CNTNAP2: variants seen among roughly 807,000 people sequenced by gnomAD.
CNTNAP2 encodes the protein contactin associated protein 2.
CNTNAP2 carries 98 observed loss-of-function variants against 155.2 expected under a neutral mutation model. The observed-to-expected ratio is 0.63, with a 90% CI of 0.54 to 0.75. The LOEUF is 0.75. Ranked by LOEUF, CNTNAP2 falls within the 30% of genes least tolerant of loss-of-function variation. The pLI is 0.00. For synonymous variants in CNTNAP2, 651 were observed against 631.2 expected, an observed-to-expected ratio of 1.03 and a Z score of -0.47; for missense variants, 1,727 against 1,688.1, an observed-to-expected ratio of 1.02 and a Z score of -0.40.
chr7:148,258,483 T>A (rs545844498), intron 20 of CNTNAP2, among the ~76,000 whole-genome samples: 1 of 152,298 alleles, frequency 6.6e-6, no homozygotes, highest in Admixed American at 6.5e-5. Flanking sequence ...GTTCGTATTT[T>A]CAATTGCAAA....
intron 9 of CNTNAP2, among the ~76,000 whole-genome samples, chr7:147,316,679 G>C (rs2620451): frequency 0.49 from 74,650 of 151,816 alleles, 19,511 homozygotes; most frequent in East Asian, 0.73. Flanking sequence ...TAATGGTAAC[G>C]GATCCCATTG....
At chr7:147,271,548 T>C (rs1804753860) in intron 8 of CNTNAP2, among the ~76,000 whole-genome samples, 1 of 152,164 alleles carries the variant, frequency 6.6e-6, no homozygotes, top group African/African-American at 2.4e-5. Context: ...CTGGGTAATT[T>C]ATAAAGAAAA....
intron 1 of CNTNAP2, among the ~76,000 whole-genome samples, chr7:146,152,182 C>A (rs1798062615): frequency 6.6e-6 from 1 of 151,832 alleles, no homozygotes; most frequent in Admixed American, 6.6e-5. Flanking sequence ...ACAATTTGAA[C>A]ATTAAAAATA....
rs2116923825 is a variant in CNTNAP2 at position 147,639,099 on chromosome 7, C to T, written c.1898-7C>T. 1.9e-6 allele frequency: 3 copies of T among 1,613,918 alleles called. No homozygotes were observed. Among genetic ancestry groups the T allele is most frequent in the Non-Finnish European group, 1.7e-6 (2 of 1,179,928 alleles). ...ATCCAGGGTCCTGGTTGTTTTTCTC[C>T]CCACAGAGGACAAAGTGTGGACCAT... is the stretch of plus-strand genomic sequence containing the variant. On this transcript the variant is annotated splice_region_variant and splice_polypyrimidine_tract_variant and intron_variant, in intron 12 of 23. Coordinates refer to ENST00000361727, the MANE Select transcript of CNTNAP2 (RefSeq NM_014141.6).
At chr7:146,463,910 T>C (rs999132458) in intron 1 of CNTNAP2, among the ~76,000 whole-genome samples, 1 of 152,160 alleles carries the variant, frequency 6.6e-6, no homozygotes, top group African/African-American at 2.4e-5. Context: ...ATCCTTTGTT[T>C]GGTGTGGATC....
At chr7:147,290,919 T>C (rs535371009) in intron 8 of CNTNAP2, among the ~76,000 whole-genome samples, 56 of 152,278 alleles carry the variant, frequency 3.7e-4, no homozygotes, top group African/African-American at 1.3e-3. Context: ...TCACAAATGT[T>C]GAATCTGCAA....
At chr7:146,990,000 T>G (rs1014563406) in intron 3 of CNTNAP2, among the ~76,000 whole-genome samples, 1 of 152,014 alleles carries the variant, frequency 6.6e-6, no homozygotes, top group Non-Finnish European at 1.5e-5. Context: ...AGTTATCTGG[T>G]CATATTTACA....
chr7:147,475,699 G>C (rs956488126), intron 10 of CNTNAP2, among the ~76,000 whole-genome samples: 1 of 151,748 alleles, frequency 6.6e-6, no homozygotes, highest in African/African-American at 2.4e-5. Flanking sequence ...CATTAGAAAG[G>C]CCCTCTATAT....
At chr7:146,641,142 C>T (rs1250029438) in intron 1 of CNTNAP2, among the ~76,000 whole-genome samples, 2 of 152,046 alleles carry the variant, frequency 1.3e-5, no homozygotes, top group Non-Finnish European at 2.9e-5. Context: ...CTGGCTAACA[C>T]TGTGAAACCC....
intron 12 of CNTNAP2, among the ~76,000 whole-genome samples, chr7:147,628,259 A>T (rs1221155262): frequency 6.6e-6 from 1 of 152,188 alleles, no homozygotes; most frequent in Non-Finnish European, 1.5e-5. Flanking sequence ...ATAAAGGAAA[A>T]CCTATCAGAT....
intron 3 of CNTNAP2, among the ~76,000 whole-genome samples, chr7:146,927,763 A>ATG (rs534877116): frequency 2.9e-4 from 44 of 151,534 alleles, no homozygotes; most frequent in African/African-American, 9.7e-4. Context: ...TTCACTTTAA[A>ATG]TGTGTGTGTG....
intron 1 of CNTNAP2, among the ~76,000 whole-genome samples, chr7:146,602,320 C>T (rs1449517135): frequency 6.6e-6 from 1 of 152,104 alleles, no homozygotes; most frequent in Non-Finnish European, 1.5e-5. Flanking sequence ...CATGTCAAGA[C>T]CTCAAGGGAA....
intron 3 of CNTNAP2, among the ~76,000 whole-genome samples, chr7:146,930,107 C>T (rs897219371): frequency 2.0e-5 from 3 of 151,874 alleles, no homozygotes; most frequent in Admixed American, 6.6e-5. Flanking sequence ...AGATACTCCT[C>T]GAGAAGAGCA....
chr7:147,858,318 C>G (rs1254406681), intron 13 of CNTNAP2, among the ~76,000 whole-genome samples: 1 of 152,150 alleles, frequency 6.6e-6, no homozygotes, highest in Non-Finnish European at 1.5e-5. Context: ...AATTCCTGAC[C>G]TCAGGTGATC....
chr7:146,455,437 T>C (rs1430953473), intron 1 of CNTNAP2, among the ~76,000 whole-genome samples: 1 of 152,212 alleles, frequency 6.6e-6, no homozygotes, highest in Non-Finnish European at 1.5e-5. Context: ...TTTCAAAATG[T>C]GGACCAGATG....
At chr7:148,061,811 CAT>C (rs1491132118) in intron 15 of CNTNAP2, among the ~76,000 whole-genome samples, 2 of 126,546 alleles carry the variant, frequency 1.6e-5, no homozygotes, top group African/African-American at 3.0e-5. Flanking sequence ...TACATGTGTG[CAT>C]GTGTGTGTGT....
At chr7:146,800,901 T>C (rs1467995622) in intron 2 of CNTNAP2, among the ~76,000 whole-genome samples, 1 of 151,830 alleles carries the variant, frequency 6.6e-6, no homozygotes, top group Non-Finnish European at 1.5e-5. Context: ...CCACATGCAA[T>C]GTGGGAAAAG....
rs573126196 is a variant in CNTNAP2 at position 146,346,815 on chromosome 7, G to A, written c.97+229842G>A. On this transcript the variant is annotated intron_variant, in intron 1 of 23. Coordinates refer to ENST00000361727, the MANE Select transcript of CNTNAP2 (RefSeq NM_014141.6). ...TTTACCCTACACCCAAGTTTCATGG[G>A]AAACCCATCCCTGCTGCCAAAAATG... 2.3e-4 allele frequency among the ~76,000 whole-genome samples: 35 copies of A among 152,290 alleles called. No homozygotes were observed. The East Asian group carries it at 5.2e-3, about 23-fold the overall frequency.
intron 3 of CNTNAP2, among the ~76,000 whole-genome samples, chr7:146,903,765 C>A (rs2129214330): frequency 6.6e-6 from 1 of 152,220 alleles, no homozygotes; most frequent in African/African-American, 2.4e-5. Context: ...TACAAAGATT[C>A]AGCTAGACTG....
Sources: gnomAD v4.1 joint callset for allele counts (sites outside exome capture counted in the v4.1 genomes callset) on GRCh38, gnomAD v4.1.1 for gene constraint, MANE v1.5 for transcripts, NCBI Gene and HGNC (gene_info 2026-07-23, HGNC 2026-07-21) for gene names.